CCDC73: variants seen among roughly 807,000 people sequenced by gnomAD.
The protein encoded by CCDC73 is coiled-coil domain containing 73, also known as coiled-coil domain-containing protein 73.
Under a neutral mutation model 116.5 loss-of-function variants are expected in CCDC73, and 95 were observed. The observed-to-expected ratio is 0.82, with a 90% confidence interval of 0.69 to 0.97. The LOEUF (loss-of-function observed/expected upper bound fraction) is 0.97. Among genes scored for constraint, CCDC73 ranks in the 50% least tolerant of loss-of-function variants. CCDC73 has a pLI of 0.00. For synonymous variants in CCDC73, 398 were observed against 401.3 expected (o/e 0.99, Z 0.10); for missense variants, 1,066 against 1,206.8 (o/e 0.88, Z 1.73).
At chr11:32,777,346 C>A (rs1850546958) in intron 1 of CCDC73, among the ~76,000 whole-genome samples, 1 of 151,986 alleles carries the variant, frequency 6.6e-6, no homozygotes, top group Non-Finnish European at 1.5e-5. Context: ...CTCAAGTGAT[C>A]TGTCCACCTC....
At chr11:32,661,374 A>C (rs992613951) in intron 9 of CCDC73, among the ~76,000 whole-genome samples, 2 of 152,058 alleles carry the variant, frequency 1.3e-5, no homozygotes, top group African/African-American at 4.8e-5. Context: ...GTATGCATAC[A>C]TGTGCCATGG....
At chr11:32,632,176 G>T (rs997592215) in intron 14 of CCDC73, among the ~76,000 whole-genome samples, 2 of 152,094 alleles carry the variant, frequency 1.3e-5, no homozygotes. Flanking sequence ...TATTTCATGT[G>T]CTGCTGAAGA....
intron 1 of CCDC73, among the ~76,000 whole-genome samples, chr11:32,793,483 C>G (rs1850694220): frequency 6.6e-6 from 1 of 152,216 alleles, no homozygotes; most frequent in African/African-American, 2.4e-5. Flanking sequence ...TCCGTGGAAT[C>G]TTCACATTTT....
upstream of CCDC73, chr11:32,794,740 T>C (rs1322973707): frequency 1.3e-5 from 2 of 152,266 alleles, no homozygotes; most frequent in Non-Finnish European, 2.9e-5. Flanking sequence ...GGGCAAAATA[T>C]GATTGATTTT....
intron 13 of CCDC73, among the ~76,000 whole-genome samples, chr11:32,637,233 G>A (rs1468898519): frequency 2.6e-5 from 4 of 151,550 alleles, no homozygotes; most frequent in African/African-American, 7.3e-5. Flanking sequence ...GGCTGGTCTC[G>A]AACCCCTGAC....
At chr11:32,643,214 G>A (rs1007333363) in intron 12 of CCDC73, among the ~76,000 whole-genome samples, 4 of 151,856 alleles carry the variant, frequency 2.6e-5, no homozygotes, top group Non-Finnish European at 4.4e-5. Flanking sequence ...TATCTAATAC[G>A]AATTTTACAA....
At chr11:32,792,393 T>C (rs1299539079) in intron 1 of CCDC73, among the ~76,000 whole-genome samples, 1 of 152,238 alleles carries the variant, frequency 6.6e-6, no homozygotes, top group Non-Finnish European at 1.5e-5. Context: ...AAGCATTGAC[T>C]AATGTCGGCT....
chr11:32,766,423 C>T (rs1850442565), intron 1 of CCDC73, among the ~76,000 whole-genome samples: 1 of 152,202 alleles, frequency 6.6e-6, no homozygotes, highest in African/African-American at 2.4e-5. Context: ...TCTCTCACCA[C>T]TCCTATTCAA....
chr11:32,697,642 C>T (rs965684493), intron 6 of CCDC73, among the ~76,000 whole-genome samples: 6 of 151,830 alleles, frequency 4.0e-5, no homozygotes, highest in Admixed American at 1.3e-4. Flanking sequence ...TGCCACCATG[C>T]GTGGCTAATT....
At chr11:32,784,186 C>T (rs187608040) in intron 1 of CCDC73, among the ~76,000 whole-genome samples, 8 of 152,112 alleles carry the variant, frequency 5.3e-5, no homozygotes, top group Admixed American at 3.9e-4. Flanking sequence ...CAAAATTAGC[C>T]GGGCGTCGTG....
chr11:32,808,642 G>A, the CCDC73 span, among the ~76,000 whole-genome samples: 43 of 144,496 alleles, frequency 3.0e-4, no homozygotes, highest in Admixed American at 4.2e-4. Context: ...CCGTCTCAAA[G>A]AAAAAAAAAA....
chr11:32,683,432 A>G, intron 7 of CCDC73, 104 bp downstream of exon 7: 1 of 760,134 alleles, frequency 1.3e-6, no homozygotes, highest in Non-Finnish European at 2.4e-6. Context: ...TTCAGTTTCA[A>G]CAATTAATTT....
At chr11:32,673,468 AT>A (rs1856057579) in intron 9 of CCDC73, among the ~76,000 whole-genome samples, 1 of 152,086 alleles carries the variant, frequency 6.6e-6, no homozygotes, top group South Asian at 2.1e-4. Context: ...AATTTTTGGT[AT>A]TTTTTTCCTT....
chr11:32,732,195 A>C (rs1850085222), intron 2 of CCDC73, among the ~76,000 whole-genome samples: 3 of 152,224 alleles, frequency 2.0e-5, no homozygotes, highest in Admixed American at 1.3e-4. Flanking sequence ...GAATGAAATG[A>C]AGTGAGAAGA....
rs181549003 is a variant in CCDC73, at chr11:32,778,777, G to T, written c.-16+15836C>A. On this transcript the variant is annotated intron_variant, in intron 1 of 17. Coordinates refer to ENST00000335185, the MANE Select transcript of CCDC73 (RefSeq NM_001008391.4). ...TCATGCCATTGCACTCTAGCCTGGG[G>T]GACAAGAGTGAGACTTCCTCTCAAA... Among the ~76,000 whole-genome samples the T allele has an allele frequency of 1.6e-3, 249 of 152,008 alleles. 1 individual carries two copies. The highest frequency in any genetic ancestry group is 5.9e-3 in the African/African-American group (243 of 41,472).
At chr11:32,745,646 A>T (rs1029723363) in intron 2 of CCDC73, among the ~76,000 whole-genome samples, 8 of 150,902 alleles carry the variant, frequency 5.3e-5, no homozygotes, top group African/African-American at 2.0e-4. Flanking sequence ...TCCCTTTACC[A>T]TTATGTAATG....
chr11:32,623,760 G>A (rs1855543912), intron 14 of CCDC73, among the ~76,000 whole-genome samples: 1 of 152,124 alleles, frequency 6.6e-6, no homozygotes. Flanking sequence ...TTTACTTAGG[G>A]TATTTGGAAA....
chr11:32,672,198 T>A (rs1294073120), intron 9 of CCDC73, among the ~76,000 whole-genome samples: 1 of 151,928 alleles, frequency 6.6e-6, no homozygotes, highest in Non-Finnish European at 1.5e-5. Flanking sequence ...AAAAATTAGC[T>A]AGGCATGGTG....
At chr11:32,666,973 G>A (rs944793914) in intron 9 of CCDC73, among the ~76,000 whole-genome samples, 1 of 152,198 alleles carries the variant, frequency 6.6e-6, no homozygotes, top group Non-Finnish European at 1.5e-5. Flanking sequence ...GCAGAACCGT[G>A]AATATCGCTC....
Sources: allele counts gnomAD v4.1 joint callset (sites outside exome capture counted in the v4.1 genomes callset), GRCh38; gene constraint gnomAD v4.1.1; transcripts MANE v1.5; gene names NCBI Gene and HGNC (gene_info 2026-07-23, HGNC 2026-07-21).